Variants in MAP4K4 observed in about 807,000 individuals in gnomAD.
MAP4K4 encodes mitogen-activated protein kinase kinase kinase kinase 4.
MAP4K4 carries 38 observed loss-of-function variants against 189.6 expected under a neutral mutation model. That is an observed-to-expected ratio of 0.20 (90% CI 0.15 to 0.26). The LOEUF is 0.26. MAP4K4 is among the 10% of genes least tolerant of loss of function. MAP4K4 has a pLI of 1.00. For missense variants in MAP4K4, 1,054 were observed against 1,726.9 expected (o/e 0.61, Z 6.91); for synonymous variants, 610 against 624.3 (o/e 0.98, Z 0.34).
At chr2:101,767,065 G>C (rs766982259) in intron 2 of MAP4K4, among the ~76,000 whole-genome samples, 1 of 152,106 alleles carries the variant, frequency 6.6e-6, no homozygotes, top group Non-Finnish European at 1.5e-5. Context: ...GTCCCTTTCC[G>C]TAACTAATCA....
In MAP4K4 at chr2:101,745,328, A is replaced by ACC. The variant is rs1210718503; in HGVS notation, c.124-45380_124-45379dup. 9.8e-3 allele frequency among the ~76,000 whole-genome samples: 536 copies of ACC among 54,868 alleles called. 75 individuals are homozygous for ACC. The highest frequency in any genetic ancestry group is 0.041 in the African/African-American group (397 of 9,706). The allele number at this position is 54,868 out of a possible 152,430, so 36.0% of individuals were successfully genotyped here. A position where few individuals can be genotyped will look rare whatever the true frequency, so the allele number is the denominator to read the frequency against. ...AAATATGGAAAAAAGTGAAAATATC[A>ACC]CCCCCCCCCCCCCAATACTGCTGTC... On this transcript the variant is annotated intron_variant, in intron 2 of 32. Transcript: ENST00000324219.
At chr2:101,697,961 A>C in exon 1 of MAP4K4, 2 of 412,398 alleles carry the variant, frequency 4.8e-6, no homozygotes, top group Non-Finnish European at 7.4e-6. Context: ...CCGCGAGGAG[A>C]GTACCGGGCC....
At chr2:101,871,410 C>A in intron 23 of MAP4K4, 84 bp from the exon 24 acceptor site, 1 of 1,081,064 alleles carries the variant, frequency 9.3e-7, no homozygotes, top group South Asian at 1.6e-5. Context: ...ATAAGTCACA[C>A]AGCACCTTAA....
exon 33 of MAP4K4, chr2:101,892,106 G>A (rs546231848): frequency 6.6e-6 from 1 of 151,674 alleles, no homozygotes; most frequent in African/African-American, 2.4e-5. Flanking sequence ...TCAGTTAAAG[G>A]TTTAATTTTT....
At chr2:101,721,539 G>C (rs111812773) in intron 2 of MAP4K4, among the ~76,000 whole-genome samples, 165 of 151,598 alleles carry the variant, frequency 1.1e-3, no homozygotes, top group African/African-American at 3.7e-3. Context: ...GGGTTCAAGC[G>C]ATTCTCCTGC....
At chr2:101,783,100 G>T (rs1048939094) in intron 2 of MAP4K4, among the ~76,000 whole-genome samples, 8 of 152,176 alleles carry the variant, frequency 5.3e-5, no homozygotes, top group African/African-American at 1.9e-4. Flanking sequence ...ACTGTGAATG[G>T]TGTGGATGAG....
chr2:101,846,149 T>C (rs1468631958), intron 12 of MAP4K4, among the ~76,000 whole-genome samples: 2 of 152,260 alleles, frequency 1.3e-5, no homozygotes, highest in African/African-American at 2.4e-5. Flanking sequence ...ACAACTTCGC[T>C]GCTTTTATAA....
chr2:101,814,621 G>A (rs1159772817), intron 3 of MAP4K4, among the ~76,000 whole-genome samples: 2 of 152,180 alleles, frequency 1.3e-5, no homozygotes, highest in African/African-American at 4.8e-5. Flanking sequence ...TACCATATTG[G>A]CAGACTATAG....
At chr2:101,828,664 C>G (rs1322454456) in intron 5 of MAP4K4, among the ~76,000 whole-genome samples, 1 of 152,144 alleles carries the variant, frequency 6.6e-6, no homozygotes, top group Non-Finnish European at 1.5e-5. Context: ...AATCAAATAA[C>G]CCTTACTTAT....
intron 3 of MAP4K4, among the ~76,000 whole-genome samples, chr2:101,797,738 C>T (rs2093874079): frequency 6.6e-6 from 1 of 151,816 alleles, no homozygotes; most frequent in Non-Finnish European, 1.5e-5. Flanking sequence ...AAATCAACTA[C>T]ATTTTATTTA....
At chr2:101,713,754 G>A (rs2046909094) in intron 2 of MAP4K4, among the ~76,000 whole-genome samples, 1 of 148,734 alleles carries the variant, frequency 6.7e-6, no homozygotes, top group Non-Finnish European at 1.5e-5. Flanking sequence ...AATTAGATGG[G>A]CATGGTGGGT....
intron 3 of MAP4K4, among the ~76,000 whole-genome samples, chr2:101,807,331 T>C (rs939088674): frequency 1.3e-5 from 2 of 151,918 alleles, no homozygotes; most frequent in African/African-American, 4.8e-5. Context: ...CCTCCCAGAG[T>C]GCTAAGATTA....
chr2:101,885,031 A>T (rs2150270649), intron 28 of MAP4K4, among the ~76,000 whole-genome samples, 156 bp from the exon 29 acceptor site: 1 of 152,318 alleles, frequency 6.6e-6, no homozygotes, highest in South Asian at 2.1e-4. Flanking sequence ...GGAAACTGTG[A>T]GGTGTGATCT....
chr2:101,781,215 T>G (rs563372407), intron 2 of MAP4K4, among the ~76,000 whole-genome samples: 2 of 152,304 alleles, frequency 1.3e-5, no homozygotes, highest in East Asian at 3.9e-4. Flanking sequence ...TTCCTCACAC[T>G]TGATGTTGTA....
At chr2:101,892,710 G>T (rs184427983) in exon 33 of MAP4K4, 8 of 338,518 alleles carry the variant, frequency 2.4e-5, no homozygotes, top group African/African-American at 1.7e-4. Context: ...GGCTTTTCTC[G>T]TTTTCTCACT....
At chr2:101,779,440 A>G (rs80056521) in intron 2 of MAP4K4, among the ~76,000 whole-genome samples, 1,625 of 152,270 alleles carry the variant, frequency 0.011, 37 homozygotes, top group African/African-American at 0.037. Context: ...TTCATTGTGA[A>G]TCTTATACTG....
rs554502050 is a variant in MAP4K4 at position 101,759,220 on chromosome 2, T to G, written c.124-31500T>G. On this transcript the variant is annotated intron_variant, in intron 2 of 32. Coordinates refer to ENST00000324219, the Ensembl canonical transcript of MAP4K4. ...ACTATAAGGGGTCATTCAGTTAGGT[T>G]AGGCTTTTCTCTCTGTGAACAAAGT... Among the ~76,000 whole-genome samples the G allele has an allele frequency of 9.9e-5, 15 of 152,158 alleles. 1 individual carries two copies. In the South Asian group the frequency reaches 3.1e-3, roughly 32 times the overall value.
Position 101,853,629 on chromosome 2 carries a change from C to T in MAP4K4, c.1234-2348C>T, listed in dbSNP as rs145130810. Among the ~76,000 whole-genome samples, 163 of 152,200 alleles carry T rather than the reference C, an allele frequency of 1.1e-3. 2 individuals carry two copies. Among genetic ancestry groups the T allele is most frequent in the African/African-American group, 3.7e-3 (152 of 41,538 alleles). On this transcript the variant is annotated intron_variant, in intron 12 of 32. Transcript: ENST00000324219. ...GCAAAATTTCTGGAACTAAGAAGTA[C>T]GAGTTTCTGGATTGAAAGCCTCGCT...
rs73945512 is a variant in MAP4K4, at chr2:101,892,993, A to G, written c.*1744A>G. On this transcript the variant is annotated 3_prime_UTR_variant, in exon 33 of 33. Transcript: ENST00000324219. ...AGAAACTTGCTGTTTTTTAGGCTTGATCTTTTTCCTTTGTGGTTAATTTTC... is the reference window on the plus strand; with the variant it reads ...AGAAACTTGCTGTTTTTTAGGCTTGGTCTTTTTCCTTTGTGGTTAATTTTC... The G allele has an allele frequency of 5.8e-3, 2,626 of 456,228 alleles. 59 individuals are homozygous for G. Among genetic ancestry groups the G allele is most frequent in the African/African-American group, 0.046 (2,324 of 50,136 alleles). 28.3% of individuals were successfully genotyped at this position (456,228 alleles called of 1,614,324 possible).
Sources: allele counts gnomAD v4.1 joint callset (sites outside exome capture counted in the v4.1 genomes callset), GRCh38; gene constraint gnomAD v4.1.1; transcripts MANE v1.5; gene names NCBI Gene and HGNC (gene_info 2026-07-23, HGNC 2026-07-21).